Variants in ECI1 observed in about 807,000 individuals in gnomAD.
ECI1 encodes enoyl-CoA delta isomerase 1.
In ECI1, 34 loss-of-function variants were observed where a neutral mutation model predicts 34.2. The observed-to-expected ratio is 1.00, with a 90% confidence interval of 0.76 to 1.33. The LOEUF is 1.33. Ranked by LOEUF, ECI1 falls within the 40% of genes most tolerant of loss-of-function variation. The pLI, the probability that ECI1 is intolerant of heterozygous loss-of-function variation, is 0.00. For missense variants in ECI1, 456 were observed against 422.2 expected (o/e 1.08, Z -0.70); for synonymous variants, 211 against 193.0 (o/e 1.09, Z -0.77).
intron 4 of ECI1, chr16:2,244,035 C>A: frequency 2.7e-6 from 1 of 364,196 alleles, no homozygotes; most frequent in South Asian, 2.3e-5. Context: ...TGAGGTTAAG[C>A]CCCCGTGTTG....
At position 2,242,785 on chromosome 16, in the gene ECI1, G is replaced by A. The variant is rs1017601537; in HGVS notation, c.742+261C>T. On this transcript the variant is annotated intron_variant, in intron 6 of 6. Coordinates refer to ENST00000301729, the MANE Select transcript of ECI1 (RefSeq NM_001919.4). ...CCAGCAGAAGTGGGCGGGGCAGGAA[G>A]GAGCCTCCCTGGAACGCAGGGAGGA... The A allele has an allele frequency of 9.4e-6, 5 of 529,284 alleles. No individual in the cohort carries two copies. The African/African-American group carries it at 1.1e-4, about 12-fold the overall frequency. 32.8% of individuals were successfully genotyped at this position (529,284 alleles called of 1,614,324 possible). A position where few individuals can be genotyped will look rare whatever the true frequency, so the allele number is the denominator to read the frequency against.
At chr16:2,250,445 G>A (rs1408404928) in intron 2 of ECI1, among the ~76,000 whole-genome samples, 1 of 152,110 alleles carries the variant, frequency 6.6e-6, no homozygotes, top group Non-Finnish European at 1.5e-5. Flanking sequence ...TGAGTCTGGG[G>A]GGTTGGGGAG....
chr16:2,248,306 G>A (rs1321238713), intron 2 of ECI1, among the ~76,000 whole-genome samples: 2 of 151,868 alleles, frequency 1.3e-5, no homozygotes, highest in African/African-American at 2.4e-5. Context: ...CATGTTGGTT[G>A]GCCAGGATGG....
rs1241640753 is a variant in ECI1 at position 2,241,262 on chromosome 16, G to C, written c.743-1117C>G. 2.6e-5 allele frequency among the ~76,000 whole-genome samples: 4 copies of C among 152,180 alleles called. No individual in the cohort carries two copies. In the East Asian group the frequency reaches 7.7e-4, roughly 29 times the overall value. On this transcript the variant is annotated intron_variant, in intron 6 of 6. Transcript: ENST00000301729. ...GCCTTCAGTCATTTGTATCAGGGTT[G>C]GCAAATCTGGCTTCTCAAGGCCCTG...
intron 2 of ECI1, among the ~76,000 whole-genome samples, chr16:2,250,367 G>C (rs538092245): frequency 9.2e-5 from 14 of 152,246 alleles, no homozygotes; most frequent in South Asian, 6.2e-4. Context: ...CAGACAGAGA[G>C]GACGGAACCA....
chr16:2,240,085 G>A lies in ECI1; in HGVS notation c.803C>T (p.Thr268Met), dbSNP rs766243525. The A allele has an allele frequency of 1.4e-5, 22 of 1,613,984 alleles. No individual in the cohort carries two copies. Among genetic ancestry groups the A allele is most frequent in the East Asian group, 4.5e-5 (2 of 44,886 alleles). ...GTTCTGCACGTCCGCATCGCGCTGC[G>A]TGACCAGGCGGCTGGCCGTGGCCTT... is the stretch of plus-strand genomic sequence containing the variant. Reference protein sequence around the residue: ...MRKATASRLVTQRDADVQNFV... With the variant: ...MRKATASRLVMQRDADVQNFV... Residue 268 changes from threonine to methionine, a missense_variant, in exon 7 of 7, where the codon ACG becomes ATG. Thr to Met is a moderately conservative substitution (Grantham distance 81). Coordinates refer to ENST00000301729, the MANE Select transcript of ECI1 (RefSeq NM_001919.4).
chr16:2,247,275 T>G (rs1419057590), intron 2 of ECI1, among the ~76,000 whole-genome samples: 1 of 152,080 alleles, frequency 6.6e-6, no homozygotes, highest in African/African-American at 2.4e-5. Context: ...TTTTTTCTTT[T>G]AAGTAGAGAC....
In ECI1 at chr16:2,240,115, A is replaced by G; in HGVS notation, c.773T>C (p.Met258Thr). 2 of 1,613,898 alleles carry G rather than the reference A, an allele frequency of 1.2e-6. No individual in the cohort carries two copies. Among genetic ancestry groups the G allele is most frequent in the Non-Finnish European group, 1.7e-6 (2 of 1,180,042 alleles). ...DHARQLTKAM[M>T]RKATASRLVT... ...CAGGCGGCTGGCCGTGGCCTTTCGC[A>G]TCATGGCCTTGGTCAGCTGTCGAGC... Residue 258 changes from methionine (M) to threonine (T), a missense_variant, in exon 7 of 7, where the codon ATG (methionine) becomes ACG (threonine). Met to Thr is a moderately conservative substitution (Grantham distance 81). Transcript: ENST00000301729.
At chr16:2,247,089 G>A (rs2093542219) in intron 2 of ECI1, 103 bp from the exon 3 acceptor site, 3 of 1,378,726 alleles carry the variant, frequency 2.2e-6, no homozygotes, top group Non-Finnish European at 2.0e-6. Context: ...CATTTTGGGG[G>A]TTTTATTTAT....
chr16:2,249,876 CAAAAAAAA>C (rs869259386), intron 2 of ECI1, among the ~76,000 whole-genome samples: 453 of 20,278 alleles, frequency 0.022, 9 homozygotes, highest in Admixed American at 0.12. Context: ...GACTCCGTCT[CAAAAAAAA>C]AAAAAAAAAA....
At chr16:2,244,286 G>A (rs1470523012) in intron 4 of ECI1, 120 bp downstream of exon 4, 1 of 1,237,964 alleles carries the variant, frequency 8.1e-7, no homozygotes, top group South Asian at 1.3e-5. Flanking sequence ...GCACATCTCA[G>A]GGCCTCTCCA....
chr16:2,240,521 TTTG>T (rs1329546364), intron 6 of ECI1: 2 of 272,612 alleles, frequency 7.3e-6, no homozygotes, highest in Admixed American at 1.0e-4. Context: ...CTAATTTTTT[TTTG>T]TTTTGTTTTG....
chr16:2,251,455 G>T, intron 1 of ECI1, 26 bp from the exon 2 acceptor site: 1 of 1,514,002 alleles, frequency 6.6e-7, no homozygotes, highest in Non-Finnish European at 8.8e-7. Context: ...GGGGGAGCCC[G>T]TTAGTTCCCG....
intron 3 of ECI1, among the ~76,000 whole-genome samples, chr16:2,245,105 G>C (rs2093537198): frequency 6.6e-6 from 1 of 152,162 alleles, no homozygotes; most frequent in Admixed American, 6.5e-5. Context: ...CAGCACAGGA[G>C]CCTCAGACTC....
In ECI1 at chr16:2,246,869, A is replaced by C; in HGVS notation, c.284T>G (p.Ile95Ser). ...TGAACTAGCACCTACCGAGGTCAGAATGACACCGCGGAAGCTCTTGTCATT... is the reference window on the plus strand; with the variant it reads ...TGAACTAGCACCTACCGAGGTCAGACTGACACCGCGGAAGCTCTTGTCATT... ...LENDKSFRGV[I>S]LTSDRPGVFS... The change falls in exon 3 of 7, where the codon ATT (isoleucine) becomes AGT (serine). Residue 95 changes from isoleucine (I) to serine (S), a missense_variant. Ile to Ser is a moderately radical substitution (Grantham distance 142). Transcript: ENST00000301729. The C allele has an allele frequency of 6.2e-7, 1 of 1,612,866 alleles. No homozygotes were observed. Among genetic ancestry groups the C allele is most frequent in the East Asian group, 2.2e-5 (1 of 44,886 alleles).
At chr16:2,251,271 G>T (rs55985840) in intron 2 of ECI1, 45 bp downstream of exon 2, 139,214 of 976,400 alleles carry the variant, frequency 0.14, 11,295 homozygotes, top group Non-Finnish European at 0.16. Context: ...GGACCCCCGC[G>T]GGTCCTGACC....
chr16:2,245,406 G>A (rs1000411169), intron 3 of ECI1, among the ~76,000 whole-genome samples: 7 of 152,238 alleles, frequency 4.6e-5, no homozygotes, highest in Admixed American at 2.0e-4. Context: ...AGGAGGAGGC[G>A]GCTGGGACAG....
intron 2 of ECI1, among the ~76,000 whole-genome samples, chr16:2,249,785 G>C (rs2093548519): frequency 1.4e-5 from 2 of 140,376 alleles, no homozygotes; most frequent in African/African-American, 5.3e-5. Context: ...GGCTGAGGTA[G>C]AAGAATGGTG....
intron 1 of ECI1, 26 bp from the exon 2 acceptor site, chr16:2,251,455 G>A (rs2093553649): frequency 2.6e-6 from 4 of 1,514,002 alleles, no homozygotes; most frequent in Non-Finnish European, 3.5e-6. Context: ...GGGGGAGCCC[G>A]TTAGTTCCCG....
Sources: gnomAD v4.1 joint callset for allele counts (sites outside exome capture counted in the v4.1 genomes callset) on GRCh38, gnomAD v4.1.1 for gene constraint, MANE v1.5 for transcripts, NCBI Gene and HGNC (gene_info 2026-07-23, HGNC 2026-07-21) for gene names.